CHCHD6: variants seen among roughly 807,000 people sequenced by gnomAD.
The protein encoded by CHCHD6 is MICOS complex subunit MIC25.
CHCHD6 carries 28 observed loss-of-function variants against 32.3 expected under a neutral mutation model. The observed-to-expected ratio is 0.87, with a 90% CI of 0.64 to 1.19. CHCHD6 has a LOEUF of 1.19. Ranked by LOEUF, CHCHD6 falls within the 50% of genes most tolerant of loss-of-function variation. The pLI, the probability that CHCHD6 is intolerant of heterozygous loss-of-function variation, is 0.00. For missense variants in CHCHD6, 333 were observed against 307.0 expected, an observed-to-expected ratio of 1.08 and a Z score of -0.63; for synonymous variants, 122 against 117.5, an observed-to-expected ratio of 1.04 and a Z score of -0.25.
At chr3:126,811,145 G>T (rs1371336129) in intron 4 of CHCHD6, among the ~76,000 whole-genome samples, 1 of 152,170 alleles carries the variant, frequency 6.6e-6, no homozygotes. Flanking sequence ...TTAGTTCTTT[G>T]TGTGGCTTAT....
intron 5 of CHCHD6, among the ~76,000 whole-genome samples, chr3:126,912,779 T>C (rs1419730370): frequency 1.3e-5 from 2 of 152,182 alleles, no homozygotes; most frequent in African/African-American, 2.4e-5. Context: ...AGTCAGCACT[T>C]CTCTGAGGCC....
chr3:126,713,010 G>A (rs868445), intron 1 of CHCHD6, among the ~76,000 whole-genome samples: 31,241 of 152,054 alleles, frequency 0.21, 3,494 homozygotes, highest in South Asian at 0.35. Context: ...CAAGTCTTGA[G>A]CTTTACCTTA....
intron 4 of CHCHD6, among the ~76,000 whole-genome samples, chr3:126,779,492 G>C (rs961643217): frequency 7.3e-6 from 1 of 137,162 alleles, no homozygotes; most frequent in Non-Finnish European, 1.5e-5. Flanking sequence ...AGCCGAGATC[G>C]CTCCACTGCA....
At chr3:126,945,743 G>A (rs573706082) in intron 6 of CHCHD6, among the ~76,000 whole-genome samples, 2 of 148,136 alleles carry the variant, frequency 1.4e-5, no homozygotes, top group East Asian at 2.0e-4. Context: ...GGGGAGACTC[G>A]GGGGGAGACT....
At position 126,766,946 on chromosome 3, in the gene CHCHD6, A is replaced by G; in HGVS notation, c.411+33724A>G. On this transcript the variant is annotated intron_variant, in intron 4 of 7. Coordinates refer to ENST00000290913, the MANE Select transcript of CHCHD6 (RefSeq NM_032343.3). ...CCACTGAAGCCCCAGGAGAAGACTCACTTCTGGGAGTCCAGGACCAGTGTG... is the reference window on the plus strand; with the variant it reads ...CCACTGAAGCCCCAGGAGAAGACTCGCTTCTGGGAGTCCAGGACCAGTGTG... The G allele has an allele frequency of 3.0e-6, 3 of 1,013,138 alleles. 1 individual carries two copies. The highest frequency in any genetic ancestry group is 2.7e-5 in the South Asian group (2 of 74,366). The allele number at this position is 1,013,138 out of a possible 1,614,324, so 62.8% of individuals were successfully genotyped here.
intron 6 of CHCHD6, among the ~76,000 whole-genome samples, chr3:126,931,211 A>G (rs1018722903): frequency 2.0e-5 from 3 of 152,110 alleles, no homozygotes; most frequent in Non-Finnish European, 4.4e-5. Context: ...CTACCTTCCC[A>G]TGGAAAGAGT....
intron 5 of CHCHD6, among the ~76,000 whole-genome samples, chr3:126,858,218 G>A (rs995592169): frequency 6.7e-6 from 1 of 149,754 alleles, no homozygotes. Flanking sequence ...AGGCAGCACA[G>A]CACATCTATG....
At chr3:126,790,085 C>G (rs1157935636) in intron 4 of CHCHD6, among the ~76,000 whole-genome samples, 1 of 152,050 alleles carries the variant, frequency 6.6e-6, no homozygotes, top group Non-Finnish European at 1.5e-5. Context: ...ACTTATGAAG[C>G]TTAGTTTGGC....
At chr3:126,784,159 C>T (rs764922807) in intron 4 of CHCHD6, among the ~76,000 whole-genome samples, 3 of 152,108 alleles carry the variant, frequency 2.0e-5, no homozygotes, top group Admixed American at 6.5e-5. Context: ...TTCACACTCC[C>T]CACCGCCTCA....
In CHCHD6 at chr3:126,929,639, C is replaced by T. The variant is rs189727319; in HGVS notation, c.566+14889C>T. On this transcript the variant is annotated intron_variant, in intron 6 of 7. Transcript: ENST00000290913. ...GGAGTGCAGTGGCACAATCTCGGCT[C>T]ACTGCATCCTCTGCCTCCTGGGTTC... Among the ~76,000 whole-genome samples the T allele has an allele frequency of 2.8e-4, 43 of 152,262 alleles. No individual in the cohort carries two copies. In the East Asian group the frequency reaches 7.1e-3, roughly 25 times the overall value.
intron 4 of CHCHD6, among the ~76,000 whole-genome samples, chr3:126,845,422 A>AT (rs960948083): frequency 1.5e-4 from 23 of 152,204 alleles, no homozygotes; most frequent in Non-Finnish European, 5.9e-5. Context: ...TTAAGGAATT[A>AT]TTTAAGAATT....
At chr3:126,821,181 A>G (rs1940131643) in intron 4 of CHCHD6, among the ~76,000 whole-genome samples, 1 of 152,200 alleles carries the variant, frequency 6.6e-6, no homozygotes, top group Non-Finnish European at 1.5e-5. Flanking sequence ...TGGCTGAATA[A>G]TATTCTGTTG....
intron 3 of CHCHD6, among the ~76,000 whole-genome samples, chr3:126,732,086 A>AG (rs1315301411): frequency 5.9e-5 from 9 of 151,634 alleles, no homozygotes; most frequent in Non-Finnish European, 1.2e-4. Context: ...ACCAAAAAAA[A>AG]AAAAAAAAAA....
At chr3:126,867,192 A>G (rs1165935136) in intron 5 of CHCHD6, among the ~76,000 whole-genome samples, 1 of 152,218 alleles carries the variant, frequency 6.6e-6, no homozygotes, top group Non-Finnish European at 1.5e-5. Flanking sequence ...AGGAGAGGTG[A>G]AATTGTCATG....
chr3:126,785,245 C>G (rs1457174390), intron 4 of CHCHD6, among the ~76,000 whole-genome samples: 1 of 152,146 alleles, frequency 6.6e-6, no homozygotes, highest in East Asian at 1.9e-4. Flanking sequence ...ATGCCAATAA[C>G]ACTTTTCTAG....
intron 5 of CHCHD6, among the ~76,000 whole-genome samples, chr3:126,864,958 TCCATCACCA>T (rs1942211625): frequency 2.7e-5 from 4 of 147,688 alleles, no homozygotes; most frequent in African/African-American, 1.0e-4. Context: ...CATCTCCTCC[TCCATCACCA>T]CCTCCATCAT....
chr3:126,884,046 C>G (rs1242957176), intron 5 of CHCHD6, among the ~76,000 whole-genome samples: 2 of 151,596 alleles, frequency 1.3e-5, no homozygotes, highest in Non-Finnish European at 3.0e-5. Flanking sequence ...GTAAAATACT[C>G]ATTTGAATCT....
rs546077939 is a variant in CHCHD6, at chr3:126,936,511, T to G, written c.567-20905T>G. 2.0e-5 allele frequency among the ~76,000 whole-genome samples: 3 copies of G among 152,318 alleles called. No individual in the cohort carries two copies. The East Asian group carries it at 5.8e-4, about 29-fold the overall frequency. ...TATAATTTTTTATATTGAAAGACTA[T>G]TTCTCTATATTTTGTCAAATACATT... On this transcript the variant is annotated intron_variant, in intron 6 of 7. Coordinates refer to ENST00000290913, the MANE Select transcript of CHCHD6 (RefSeq NM_032343.3).
At chr3:126,802,561 A>G (rs1040466932) in intron 4 of CHCHD6, among the ~76,000 whole-genome samples, 1 of 152,216 alleles carries the variant, frequency 6.6e-6, no homozygotes, top group Non-Finnish European at 1.5e-5. Context: ...ATATGGGACT[A>G]TGTGAAAAGA....
Sources: gnomAD v4.1 joint callset for allele counts (sites outside exome capture counted in the v4.1 genomes callset) on GRCh38, gnomAD v4.1.1 for gene constraint, MANE v1.5 for transcripts, NCBI Gene and HGNC (gene_info 2026-07-23, HGNC 2026-07-21) for gene names.